The following CNTNAP5 variants were observed in gnomAD, a reference collection of about 807,000 sequenced individuals.
CNTNAP5 encodes contactin-associated protein-like 5.
Under a neutral mutation model 150.2 loss-of-function variants are expected in CNTNAP5, and 72 were observed. That is an observed-to-expected ratio of 0.48 (90% CI 0.40 to 0.58). The LOEUF (loss-of-function observed/expected upper bound fraction) is 0.58, where lower values mean the gene tolerates loss of function less well. CNTNAP5 is among the 20% of genes least tolerant of loss of function. The pLI is 0.00. For missense variants in CNTNAP5, 1,636 were observed against 1,626.2 expected, an observed-to-expected ratio of 1.01 and a Z score of -0.10; for synonymous variants, 672 against 619.8, an observed-to-expected ratio of 1.08 and a Z score of -1.25.
chr2:124,363,940 C>G (rs1486564732), intron 3 of CNTNAP5, among the ~76,000 whole-genome samples: 2 of 152,298 alleles, frequency 1.3e-5, no homozygotes, highest in East Asian at 3.9e-4. Flanking sequence ...CCAGTGTTGC[C>G]TTTCCCATGA....
At chr2:124,769,101 AGTGTG>A (rs1331075862) in intron 16 of CNTNAP5, among the ~76,000 whole-genome samples, 41 of 152,118 alleles carry the variant, frequency 2.7e-4, no homozygotes, top group African/African-American at 9.4e-4. Flanking sequence ...ACAGAAATGG[AGTGTG>A]GTTCCGTCTT....
intron 3 of CNTNAP5, among the ~76,000 whole-genome samples, chr2:124,269,458 T>G (rs1462165417): frequency 6.6e-6 from 1 of 152,082 alleles, no homozygotes; most frequent in Non-Finnish European, 1.5e-5. Context: ...CGATAAGATA[T>G]TCAGGGCTCT....
chr2:124,599,086 G>A (rs901337335), intron 11 of CNTNAP5, among the ~76,000 whole-genome samples: 3 of 152,146 alleles, frequency 2.0e-5, no homozygotes, highest in Non-Finnish European at 4.4e-5. Flanking sequence ...AGATGGAAAT[G>A]CAGAAATCAC....
At chr2:124,578,437 C>T (rs546900690) in intron 11 of CNTNAP5, among the ~76,000 whole-genome samples, 1 of 152,136 alleles carries the variant, frequency 6.6e-6, no homozygotes, top group South Asian at 2.1e-4. Flanking sequence ...AAAAGGGTCT[C>T]CCCACAGTCT....
chr2:124,736,181 G>T (rs1191882160), intron 13 of CNTNAP5, among the ~76,000 whole-genome samples: 1 of 152,106 alleles, frequency 6.6e-6, no homozygotes, highest in Non-Finnish European at 1.5e-5. Context: ...AGTGAGCAGA[G>T]ATCACGCCAT....
At chr2:124,393,306 G>A (rs1183492030) in intron 3 of CNTNAP5, among the ~76,000 whole-genome samples, 1 of 152,110 alleles carries the variant, frequency 6.6e-6, no homozygotes, top group Non-Finnish European at 1.5e-5. Context: ...AGAGTCCCCA[G>A]TGATTGCTCA....
chr2:124,585,042 A>T (rs933053879), intron 11 of CNTNAP5, among the ~76,000 whole-genome samples: 3 of 152,194 alleles, frequency 2.0e-5, no homozygotes, highest in Non-Finnish European at 2.9e-5. Flanking sequence ...GGCTTCAGGA[A>T]CCGTGCTTAA....
At chr2:124,390,159 G>A (rs1019258923) in intron 3 of CNTNAP5, among the ~76,000 whole-genome samples, 2 of 152,148 alleles carry the variant, frequency 1.3e-5, no homozygotes, top group East Asian at 3.9e-4. Flanking sequence ...TGATCAAAGG[G>A]CTAGACCCTC....
chr2:124,447,976 A>C (rs1558906756), intron 6 of CNTNAP5, among the ~76,000 whole-genome samples: 1 of 152,124 alleles, frequency 6.6e-6, no homozygotes, highest in East Asian at 1.9e-4. Context: ...GGCATTATTA[A>C]AAATTAAGTT....
At chr2:124,180,410 T>G (rs556594067) in intron 1 of CNTNAP5, among the ~76,000 whole-genome samples, 2 of 152,198 alleles carry the variant, frequency 1.3e-5, no homozygotes, top group Admixed American at 1.3e-4. Flanking sequence ...TTTATCAATA[T>G]TTTAGACCCC....
At chr2:124,410,426 A>T (rs1298562886) in intron 3 of CNTNAP5, among the ~76,000 whole-genome samples, 9 of 150,998 alleles carry the variant, frequency 6.0e-5, no homozygotes, top group Admixed American at 4.0e-4. Flanking sequence ...CAGAATATAC[A>T]TTTTTTTCAG....
intron 1 of CNTNAP5, among the ~76,000 whole-genome samples, chr2:124,157,481 T>C (rs1684573755): frequency 6.6e-6 from 1 of 152,172 alleles, no homozygotes; most frequent in African/African-American, 2.4e-5. Flanking sequence ...CTTATGTTTC[T>C]TTTTCAGTAT....
intron 16 of CNTNAP5, among the ~76,000 whole-genome samples, chr2:124,768,271 A>ATGTGTGTGTG (rs10598326): frequency 1.2e-4 from 16 of 131,302 alleles, no homozygotes; most frequent in Non-Finnish European, 2.1e-4. Context: ...TACTGTATGT[A>ATGTGTGTGTG]TGTGTGTGTG....
chr2:124,560,574 T>C (rs1340593862), intron 10 of CNTNAP5, among the ~76,000 whole-genome samples: 1 of 151,998 alleles, frequency 6.6e-6, no homozygotes, highest in South Asian at 2.1e-4. Flanking sequence ...TTTTTGTAAT[T>C]ACAGGATTCT....
Position 124,798,457 on chromosome 2 carries a change from C to A in CNTNAP5, c.3217+137C>A, listed in dbSNP as rs578028354. ...CTTATTTCCAGACTTCCAGCCAAAT[C>A]CTTGATTATTCTTTACCTTTATGAG... is the stretch of plus-strand genomic sequence containing the variant. On this transcript the variant is annotated intron_variant, in intron 19 of 23. Transcript: ENST00000682447. 380 of 638,774 alleles carry A rather than the reference C, an allele frequency of 5.9e-4. 3 individuals are homozygous for A. In the South Asian group the frequency reaches 7.2e-3, roughly 12 times the overall value. 39.6% of individuals were successfully genotyped at this position (638,774 alleles called of 1,614,324 possible).
chr2:124,764,038 C>T lies in CNTNAP5; in HGVS notation c.2424C>T (p.Phe808=). ...CCTCTTACCTCCACTTTCCTACCTT[C>T]CATGCGGAATTCAGTGCCGATATTT... ...TEASYLHFPT[F]HAEFSADISF... is the part of the protein sequence containing the mutation. Residue 808 remains phenylalanine, a synonymous_variant, in exon 16 of 24, where the codon TTC becomes TTT. Coordinates refer to ENST00000682447, the MANE Select transcript of CNTNAP5 (RefSeq NM_001367498.1). 1 of 1,613,280 alleles carries T rather than the reference C, an allele frequency of 6.2e-7. No individual in the cohort carries two copies. Among genetic ancestry groups the T allele is most frequent in the East Asian group, 2.2e-5 (1 of 44,854 alleles).
At chr2:124,442,183 TGAG>T (rs1256110954) in intron 5 of CNTNAP5, among the ~76,000 whole-genome samples, 2 of 152,072 alleles carry the variant, frequency 1.3e-5, no homozygotes, top group Non-Finnish European at 2.9e-5. Context: ...CTTTAGACCT[TGAG>T]GAGGGTAAAG....
chr2:124,868,794 C>T lies in CNTNAP5; in HGVS notation c.3349-881C>T, dbSNP rs529944892. 4.6e-5 allele frequency among the ~76,000 whole-genome samples: 7 copies of T among 152,228 alleles called. No individual in the cohort carries two copies. In the South Asian group the frequency reaches 1.5e-3, roughly 32 times the overall value. ...GGATTGCACTCAAGCTGTGCAAAGTCAGGCACATGGCTAATGGGATCTTAG... is the reference window on the plus strand; with the variant it reads ...GGATTGCACTCAAGCTGTGCAAAGTTAGGCACATGGCTAATGGGATCTTAG... On this transcript the variant is annotated intron_variant, in intron 20 of 23. Transcript: ENST00000682447.
intron 1 of CNTNAP5, among the ~76,000 whole-genome samples, chr2:124,044,879 G>A (rs552335294): frequency 1.5e-5 from 2 of 131,002 alleles, no homozygotes; most frequent in Admixed American, 1.7e-4. Flanking sequence ...GGAAGCAATG[G>A]TAGTGAGGAA....
Sources: gnomAD v4.1 joint callset for allele counts (sites outside exome capture counted in the v4.1 genomes callset) on GRCh38, gnomAD v4.1.1 for gene constraint, MANE v1.5 for transcripts, NCBI Gene and HGNC (gene_info 2026-07-23, HGNC 2026-07-21) for gene names.